The following CELF2 variants were observed in gnomAD, a reference collection of about 807,000 sequenced individuals.
CELF2 encodes the protein CUG triplet repeat RNA-binding protein 2.
CELF2 carries 8 observed loss-of-function variants against 62.6 expected under a neutral mutation model. That is an observed-to-expected ratio of 0.13 (90% CI 0.07 to 0.23). The LOEUF (loss-of-function observed/expected upper bound fraction) is 0.23. Among genes scored for constraint, CELF2 ranks in the 10% least tolerant of loss-of-function variants. CELF2 has a pLI of 1.00. For synonymous variants in CELF2, 258 were observed against 250.0 expected (o/e 1.03, Z -0.30); for missense variants, 333 against 671.0 (o/e 0.50, Z 5.56).
chr10:10,932,242 G>A (rs1407125953), intron 2 of CELF2, among the ~76,000 whole-genome samples: 2 of 152,162 alleles, frequency 1.3e-5, no homozygotes, highest in Admixed American at 6.5e-5. Flanking sequence ...GTAGCATGGG[G>A]GCTGGACAAG....
intron 1 of CELF2, among the ~76,000 whole-genome samples, chr10:11,090,172 TA>T (rs912455697): frequency 4.1e-5 from 6 of 147,082 alleles, no homozygotes; most frequent in Admixed American, 1.4e-4. Flanking sequence ...TCCCTGAATC[TA>T]AAATGAAATT....
chr10:11,005,216 C>T, upstream of CELF2: 1 of 1,476,392 alleles, frequency 6.8e-7, no homozygotes, highest in Non-Finnish European at 8.9e-7. The surrounding 1 kb of genome is among the most constrained non-coding windows in gnomAD (Gnocchi z 4.3). Context: ...TACTATTCAG[C>T]ATTTGACTAG....
At chr10:10,726,254 A>T in the CELF2 span, among the ~76,000 whole-genome samples, 2 of 152,096 alleles carry the variant, frequency 1.3e-5, no homozygotes, top group African/African-American at 4.8e-5. Flanking sequence ...TTGGCATCCA[A>T]GGCTAAGAGG....
intron 1 of CELF2, among the ~76,000 whole-genome samples, chr10:11,128,402 A>C (rs529157140): frequency 2.6e-5 from 4 of 152,096 alleles, no homozygotes; most frequent in African/African-American, 9.7e-5. Context: ...AATTTTTTCC[A>C]ATTCTGTGAA....
upstream of CELF2, among the ~76,000 whole-genome samples, chr10:10,797,607 C>A (rs2054223776): frequency 6.6e-6 from 1 of 152,156 alleles, no homozygotes; most frequent in African/African-American, 2.4e-5. Flanking sequence ...TCAAGTAAAG[C>A]TCATGTTGCA....
chr10:10,967,123 A>G (rs2050200451), intron 2 of CELF2, among the ~76,000 whole-genome samples: 1 of 152,222 alleles, frequency 6.6e-6, no homozygotes. Flanking sequence ...ACGTGGTCAG[A>G]GGGTGTTTAT....
At chr10:11,016,157 T>G (rs1389249386), upstream of CELF2, among the ~76,000 whole-genome samples, 1 of 152,232 alleles carries the variant, frequency 6.6e-6, no homozygotes, top group East Asian at 1.9e-4. This position sits in a 1 kb window ranked among gnomAD's most constrained non-coding sequence, Gnocchi z 5.2. Flanking sequence ...TTTATCCAGC[T>G]AATTATTAAG....
chr10:10,482,001 AG>A, the CELF2 span, among the ~76,000 whole-genome samples: 1 of 152,346 alleles, frequency 6.6e-6, no homozygotes, highest in Admixed American at 6.5e-5. Flanking sequence ...CTTAAACTTA[AG>A]GATCATTTTC....
chr10:10,738,476 C>G, the CELF2 span, among the ~76,000 whole-genome samples: 1 of 152,270 alleles, frequency 6.6e-6, no homozygotes, highest in African/African-American at 2.4e-5. Flanking sequence ...TGAGTCATGC[C>G]AGGGCATGTA....
intron 2 of CELF2, among the ~76,000 whole-genome samples, chr10:10,991,157 AG>A (rs1281632437): frequency 6.6e-6 from 1 of 152,218 alleles, no homozygotes; most frequent in African/African-American, 2.4e-5. Flanking sequence ...AACAAAATAC[AG>A]ACTCTCTCTT....
At chr10:11,125,815 C>A (rs1488351820) in intron 1 of CELF2, among the ~76,000 whole-genome samples, 1 of 152,256 alleles carries the variant, frequency 6.6e-6, no homozygotes, top group South Asian at 2.1e-4. Flanking sequence ...TGATGTCTTC[C>A]TTGGCAACTT....
At chr10:11,065,765 C>T (rs1320634492) in intron 1 of CELF2, among the ~76,000 whole-genome samples, 2 of 152,108 alleles carry the variant, frequency 1.3e-5, no homozygotes, top group Non-Finnish European at 2.9e-5. Context: ...AAACAACTTA[C>T]TTAGAAGGTA....
chr10:10,698,384 C>A, the CELF2 span, among the ~76,000 whole-genome samples: 1 of 152,110 alleles, frequency 6.6e-6, no homozygotes, highest in Non-Finnish European at 1.5e-5. Context: ...AAGTAAATAA[C>A]AAAACCAACA....
the CELF2 span, among the ~76,000 whole-genome samples, chr10:10,527,576 GT>G: frequency 1.3e-5 from 2 of 152,132 alleles, no homozygotes; most frequent in African/African-American, 4.8e-5. Flanking sequence ...CAGTACTTGA[GT>G]TTTTTCTAAG....
chr10:10,746,473 T>C, the CELF2 span, among the ~76,000 whole-genome samples: 4 of 152,222 alleles, frequency 2.6e-5, no homozygotes, highest in African/African-American at 9.6e-5. Context: ...TTAGCCATTT[T>C]ATATAGAGTT....
At chr10:10,538,925 C>A in the CELF2 span, among the ~76,000 whole-genome samples, 1 of 152,058 alleles carries the variant, frequency 6.6e-6, no homozygotes, top group Non-Finnish European at 1.5e-5. Context: ...TTAATTTTCC[C>A]GCAATTCTCT....
At chr10:11,320,924 G>A in intron 10 of CELF2, 1 of 1,548,434 alleles carries the variant, frequency 6.5e-7, no homozygotes, top group Non-Finnish European at 8.7e-7. Flanking sequence ...ACGCTGCATG[G>A]CATTGAGCTG....
chr10:10,763,298 C>T, the CELF2 span, among the ~76,000 whole-genome samples: 2 of 152,196 alleles, frequency 1.3e-5, no homozygotes, highest in Non-Finnish European at 2.9e-5. Context: ...TTTTCACCTC[C>T]CACTCACTGC....
At chr10:10,542,860 T>C in the CELF2 span, among the ~76,000 whole-genome samples, 1 of 152,204 alleles carries the variant, frequency 6.6e-6, no homozygotes, top group Non-Finnish European at 1.5e-5. Context: ...AGCTGGCTTC[T>C]CTAGATAGTG....
Sources: gnomAD v4.1 joint callset for allele counts (sites outside exome capture counted in the v4.1 genomes callset) on GRCh38, gnomAD v4.1.1 for gene constraint, Gnocchi (gnomAD v3.1) non-coding constraint, MANE v1.5 for transcripts, NCBI Gene and HGNC (gene_info 2026-07-23, HGNC 2026-07-21) for gene names.